Variants in BAZ2B observed in about 807,000 individuals in gnomAD.
BAZ2B encodes the protein bromodomain adjacent to zinc finger domain protein 2B.
A neutral mutation model predicts 246.0 loss-of-function variants in BAZ2B; 91 were observed. The ratio of observed to expected loss-of-function variants is 0.37; its 90% CI spans 0.31 to 0.44. BAZ2B has a LOEUF of 0.44. Among genes scored for constraint, BAZ2B ranks in the 20% least tolerant of loss-of-function variants. The probability of loss-of-function intolerance (pLI) is 1.00; values close to 1 mark genes in which losing one functional copy is unlikely to be tolerated. For synonymous variants in BAZ2B, 855 were observed against 860.0 expected (o/e 0.99, Z 0.10); for missense variants, 2,332 against 2,533.7 (o/e 0.92, Z 1.71).
rs1186224239 is a variant in BAZ2B, at chr2:159,438,464, T to C, written c.1132A>G (p.Thr378Ala). Residue 378 changes from threonine (T) to alanine (A), a missense_variant, in exon 8 of 37, where the codon ACG becomes GCG. By Grantham distance (58) the Thr-to-Ala change is moderately conservative. This residue lies in a region of BAZ2B where 161 missense variants were observed against 225.8 expected (regional missense o/e 0.71). Coordinates refer to ENST00000392783, the MANE Select transcript of BAZ2B (RefSeq NM_013450.4). ...VNKHTSVIQS[T>A]GLVSNVKPLS... ...GGTTTCACATTGGACACCAATCCCG[T>C]AGACTGTATTACACTGGTGTGTTTG... 4 of 1,614,212 alleles carry C rather than the reference T, an allele frequency of 2.5e-6. No individual in the cohort carries two copies. Among genetic ancestry groups the C allele is most frequent in the East Asian group, 2.2e-5 (1 of 44,880 alleles).
chr2:159,423,405 T>C (rs527295907), intron 13 of BAZ2B, among the ~76,000 whole-genome samples: 1 of 152,286 alleles, frequency 6.6e-6, no homozygotes, highest in East Asian at 1.9e-4. Flanking sequence ...GAACACTTTA[T>C]ACACTGCTAG....
At chr2:159,389,302 A>G in intron 21 of BAZ2B, 43 bp downstream of exon 21, 1 of 1,515,326 alleles carries the variant, frequency 6.6e-7, no homozygotes, top group Non-Finnish European at 8.8e-7. Context: ...AACTGGAAAA[A>G]TTAAACTTAT....
chr2:159,610,494 T>C (rs1197007634), intron 1 of BAZ2B, among the ~76,000 whole-genome samples: 1 of 152,182 alleles, frequency 6.6e-6, no homozygotes, highest in African/African-American at 2.4e-5. Context: ...GGAAAAGTGT[T>C]AAGAGGAGAA....
chr2:159,390,366 G>A (rs1401803634), intron 20 of BAZ2B, among the ~76,000 whole-genome samples: 1 of 151,804 alleles, frequency 6.6e-6, no homozygotes, highest in East Asian at 1.9e-4. Flanking sequence ...TTCTATTCCT[G>A]ATGAACATTT....
At chr2:159,557,202 A>T (rs1578351707) in intron 1 of BAZ2B, among the ~76,000 whole-genome samples, 1 of 135,166 alleles carries the variant, frequency 7.4e-6, no homozygotes, top group African/African-American at 2.8e-5. Context: ...GGTGTGTGTC[A>T]CTACACCTGG....
chr2:159,617,442 GAT>G (rs1035285865), upstream of BAZ2B, among the ~76,000 whole-genome samples: 3 of 150,736 alleles, frequency 2.0e-5, no homozygotes, highest in Admixed American at 2.0e-4. Flanking sequence ...CCTTAATCTT[GAT>G]AACACTTTAT....
At chr2:159,711,170 G>A in the BAZ2B span, among the ~76,000 whole-genome samples, 2 of 152,180 alleles carry the variant, frequency 1.3e-5, no homozygotes, top group African/African-American at 4.8e-5. Flanking sequence ...ATACATCCGT[G>A]TATCTATAAC....
intron 1 of BAZ2B, among the ~76,000 whole-genome samples, chr2:159,580,843 T>A (rs569430155): frequency 6.6e-6 from 1 of 152,026 alleles, no homozygotes; most frequent in Non-Finnish European, 1.5e-5. Flanking sequence ...ATAAATGGTG[T>A]TGGGAAAACT....
At chr2:159,630,152 A>G in the BAZ2B span, among the ~76,000 whole-genome samples, 1 of 152,168 alleles carries the variant, frequency 6.6e-6, no homozygotes, top group East Asian at 1.9e-4. Flanking sequence ...TATTATAATA[A>G]AAGAGAAACA....
At chr2:159,348,410 T>C (rs768602100) in intron 30 of BAZ2B, among the ~76,000 whole-genome samples, 45 of 151,900 alleles carry the variant, frequency 3.0e-4, no homozygotes, top group Non-Finnish European at 5.6e-4. Flanking sequence ...TCTAGGTTAC[T>C]TATAGTACCT....
chr2:159,693,864 C>T, the BAZ2B span: 1 of 151,900 alleles, frequency 6.6e-6, no homozygotes, highest in Non-Finnish European at 1.5e-5. Context: ...ACTACTGTGC[C>T]CAGCTGAAAA....
intron 36 of BAZ2B, among the ~76,000 whole-genome samples, chr2:159,321,038 T>G (rs986688376): frequency 6.6e-6 from 1 of 152,164 alleles, no homozygotes; most frequent in African/African-American, 2.4e-5. Flanking sequence ...ATTATGAGGG[T>G]CTGTCTTTCA....
the BAZ2B span, among the ~76,000 whole-genome samples, chr2:159,691,793 A>G: frequency 6.6e-6 from 1 of 152,228 alleles, no homozygotes; most frequent in African/African-American, 2.4e-5. Flanking sequence ...ACTGTGATAC[A>G]GTGCCATTTA....
the BAZ2B span, chr2:159,712,166 G>GCCCC: frequency 1.3e-5 from 2 of 152,152 alleles, no homozygotes; most frequent in Non-Finnish European, 2.9e-5. Context: ...GGGCCTGTGG[G>GCCCC]CGGGGACCCG....
the BAZ2B span, among the ~76,000 whole-genome samples, chr2:159,707,567 C>T: frequency 6.6e-6 from 1 of 152,084 alleles, no homozygotes; most frequent in Non-Finnish European, 1.5e-5. Context: ...GTGGCTCACA[C>T]CTGTAATCCC....
the BAZ2B span, among the ~76,000 whole-genome samples, chr2:159,704,790 T>G: frequency 6.6e-6 from 1 of 151,742 alleles, no homozygotes. Context: ...GTTTTTTTTG[T>G]TTTTTGAGTT....
intron 13 of BAZ2B, among the ~76,000 whole-genome samples, chr2:159,422,231 A>T (rs4664287): frequency 0.39 from 59,241 of 152,090 alleles, 12,354 homozygotes; most frequent in Non-Finnish European, 0.49. Flanking sequence ...TTTCACAGAA[A>T]CAGAAAAAAC....
In BAZ2B at chr2:159,404,843, AC is replaced by A; in HGVS notation, c.2832+5del. On this transcript the variant is annotated splice_donor_5th_base_variant and intron_variant, in intron 16 of 36. Coordinates refer to ENST00000392783, the MANE Select transcript of BAZ2B (RefSeq NM_013450.4). ...TTTAAAAGTCACTTCCAATGTATAC[AC>A]ATACCTGCTGTTTCATAATCTTTAT... The A allele has an allele frequency of 6.2e-7, 1 of 1,610,544 alleles. No homozygotes were observed. Among genetic ancestry groups the A allele is most frequent in the African/African-American group, 1.3e-5 (1 of 74,982 alleles).
At chr2:159,707,582 C>A in the BAZ2B span, among the ~76,000 whole-genome samples, 1 of 152,032 alleles carries the variant, frequency 6.6e-6, no homozygotes, top group Admixed American at 6.6e-5. Flanking sequence ...AATCCCAGCA[C>A]TTTGGGAGGC....
Sources: allele counts gnomAD v4.1 joint callset (sites outside exome capture counted in the v4.1 genomes callset), GRCh38; gene constraint gnomAD v4.1.1; regional missense constraint gnomAD v4.1.1; transcripts MANE v1.5; gene names NCBI Gene and HGNC (gene_info 2026-07-23, HGNC 2026-07-21).